ABLIM2: variants seen among roughly 807,000 people sequenced by gnomAD.
ABLIM2 encodes the protein actin binding LIM protein family member 2.
Under a neutral mutation model 97.7 loss-of-function variants are expected in ABLIM2, and 53 were observed. The ratio of observed to expected loss-of-function variants is 0.54; its 90% CI spans 0.44 to 0.68. The LOEUF (loss-of-function observed/expected upper bound fraction) is 0.68, where lower values mean the gene tolerates loss of function less well. ABLIM2 is among the 30% of genes least tolerant of loss of function. The probability of loss-of-function intolerance (pLI) is 0.00; values close to 1 mark genes in which losing one functional copy is unlikely to be tolerated. For missense variants in ABLIM2, 835 were observed against 867.2 expected, an observed-to-expected ratio of 0.96 and a Z score of 0.47; for synonymous variants, 361 against 345.8, an observed-to-expected ratio of 1.04 and a Z score of -0.49.
chr4:7,973,835 C>T (rs143004728), intron 20 of ABLIM2, among the ~76,000 whole-genome samples: 56 of 152,248 alleles, frequency 3.7e-4, no homozygotes, highest in East Asian at 2.7e-3. Flanking sequence ...TATGTGTCGC[C>T]GTGGCTGGGC....
In ABLIM2 at chr4:8,085,586, G is replaced by A. The variant is rs1022074319; in HGVS notation, c.454+2583C>T. Among the ~76,000 whole-genome samples, 7 of 141,604 alleles carry A rather than the reference G, an allele frequency of 4.9e-5. No homozygotes were observed. The highest frequency in any genetic ancestry group is 8.2e-5 in the African/African-American group (3 of 36,622). 92.9% of individuals were successfully genotyped at this position (141,604 alleles called of 152,430 possible). A position where few individuals can be genotyped will look rare whatever the true frequency, so the allele number is the denominator to read the frequency against. On this transcript the variant is annotated intron_variant, in intron 4 of 20. Transcript: ENST00000447017. This position sits in a 1 kb window ranked among gnomAD's most constrained non-coding sequence, Gnocchi z 6.1. Reference sequence around the variant, plus strand: ...CTGGGGGTGCCCACGCTGCAGCCCCGTCCACTCACGCGGGTCTGGGGGGTG... The same window carrying A: ...CTGGGGGTGCCCACGCTGCAGCCCCATCCACTCACGCGGGTCTGGGGGGTG...
intron 10 of ABLIM2, among the ~76,000 whole-genome samples, chr4:8,035,558 G>A (rs1445589475): frequency 5.3e-5 from 8 of 152,218 alleles, no homozygotes; most frequent in Admixed American, 2.0e-4. Context: ...TGAAACCTCA[G>A]AACCACAAGA....
intron 1 of ABLIM2, among the ~76,000 whole-genome samples, chr4:8,151,389 G>T (rs1712698546): frequency 6.6e-6 from 1 of 152,052 alleles, no homozygotes; most frequent in Non-Finnish European, 1.5e-5. Context: ...CCCCTCCTCC[G>T]CCCCAGTCCT....
Position 8,127,158 on chromosome 4 carries a change from T to C in ABLIM2, c.11-20521A>G, listed in dbSNP as rs115603015. Among the ~76,000 whole-genome samples, 165 of 151,486 alleles carry C rather than the reference T, an allele frequency of 1.1e-3. No individual in the cohort carries two copies. Among genetic ancestry groups the C allele is most frequent in the African/African-American group, 4.0e-3 (163 of 41,260 alleles). ...TGCCTGTGGGTGAGAATCACCACCT[T>C]AAAGGAAAAAAGAAAAGGGAGGGAG... On this transcript the variant is annotated intron_variant, in intron 1 of 20. Transcript: ENST00000447017. This position sits in a 1 kb window ranked among gnomAD's most constrained non-coding sequence, Gnocchi z 7.3.
In ABLIM2 at chr4:8,017,068, T is replaced by C. The variant is rs533210095; in HGVS notation, c.1423+2550A>G. The stretch of plus-strand genomic sequence containing the variant: ...GTTTAATACCATGAGTGACCCTAGA[T>C]GGTGTGTGGAAACACAAAAATGTCC... On this transcript the variant is annotated intron_variant, in intron 14 of 20. Coordinates refer to ENST00000447017, the MANE Select transcript of ABLIM2 (RefSeq NM_001130083.2). Among the ~76,000 whole-genome samples the C allele has an allele frequency of 2.6e-5, 4 of 152,280 alleles. No individual in the cohort carries two copies. The East Asian group carries it at 7.7e-4, about 29-fold the overall frequency.
chr4:8,072,908 C>T lies in ABLIM2; in HGVS notation c.675+4720G>A, dbSNP rs944285299. Among the ~76,000 whole-genome samples, 2 of 152,078 alleles carry T rather than the reference C, an allele frequency of 1.3e-5. No homozygotes were observed. Among genetic ancestry groups the T allele is most frequent in the African/African-American group, 4.8e-5 (2 of 41,396 alleles). On this transcript the variant is annotated intron_variant, in intron 6 of 20. Transcript: ENST00000447017. The surrounding 1 kb of genome is among the most constrained non-coding windows in gnomAD (Gnocchi z 5.8). The stretch of plus-strand genomic sequence containing the variant: ...GGGTCGGTAAGAGGAGGCTTAAAGG[C>T]CTTAGGGTTTCCTGCACACAAAGCC...
rs1463039046 is a variant in ABLIM2 at position 8,005,518 on chromosome 4, C to G, written c.1618+2541G>C. 9.8e-6 allele frequency: 5 copies of G among 508,298 alleles called. No homozygotes were observed. The highest frequency in any genetic ancestry group is 9.7e-5 in the African/African-American group (5 of 51,612). The allele number at this position is 508,298 out of a possible 1,614,324, so 31.5% of individuals were successfully genotyped here. ...GGAACTGGTGCCCACGGACTCAGGTCTGGGGGCTACTTGGTGACAATCAAA... is the reference window on the plus strand; with the variant it reads ...GGAACTGGTGCCCACGGACTCAGGTGTGGGGGCTACTTGGTGACAATCAAA... On this transcript the variant is annotated intron_variant, in intron 16 of 20. Coordinates refer to ENST00000447017, the MANE Select transcript of ABLIM2 (RefSeq NM_001130083.2). The surrounding 1 kb of genome is among the most constrained non-coding windows in gnomAD (Gnocchi z 4.9).
intron 9 of ABLIM2, among the ~76,000 whole-genome samples, chr4:8,039,304 C>T (rs190995157): frequency 6.6e-6 from 1 of 152,348 alleles, no homozygotes; most frequent in Non-Finnish European, 1.5e-5. Context: ...TTCACCTGTC[C>T]AGCCCCACAG....
chr4:8,109,766 G>A (rs1437536560), intron 1 of ABLIM2, among the ~76,000 whole-genome samples: 1 of 152,176 alleles, frequency 6.6e-6, no homozygotes, highest in African/African-American at 2.4e-5. Context: ...GGAGATGAAT[G>A]GCATGAAAAA....
Position 8,150,596 on chromosome 4 carries a change from G to A in ABLIM2, c.10+8084C>T, listed in dbSNP as rs1170779663. 6.6e-6 allele frequency among the ~76,000 whole-genome samples: 1 copy of A among 152,254 alleles called. No homozygotes were observed. The highest frequency in any genetic ancestry group is 1.5e-5 in the Non-Finnish European group (1 of 68,048). ...AAGTCCCAAACTTCCAGCACAGGGT[G>A]CGAGCTCCGTGCCGGAGGCGGGAGG... On this transcript the variant is annotated intron_variant, in intron 1 of 20. Transcript: ENST00000447017. The surrounding 1 kb of genome is among the most constrained non-coding windows in gnomAD (Gnocchi z 6.3).
chr4:8,047,159 G>A (rs971509934), intron 8 of ABLIM2, among the ~76,000 whole-genome samples: 3 of 152,182 alleles, frequency 2.0e-5, no homozygotes, highest in African/African-American at 7.2e-5. Context: ...AACCCTGTGC[G>A]GCATGTGGGT....
Position 8,106,629 on chromosome 4 carries a change from G to C in ABLIM2, c.19C>G (p.Pro7Ala). Reference protein sequence around the residue: MSAVSQPQAAPSPLEKS... With the variant: MSAVSQAQAAPSPLEKS... ...TCCAGCGGGCTGGGAGCAGCCTGGG[G>C]CTGCGACACTGTTGGGAAAGAGAGA... Residue 7 changes from proline (P) to alanine (A), a missense_variant, in exon 2 of 21, where the codon CCC (proline) becomes GCC (alanine). By Grantham distance (27) the Pro-to-Ala change is conservative. Transcript: ENST00000447017. 1.2e-6 allele frequency: 2 copies of C among 1,608,202 alleles called. No homozygotes were observed. Among genetic ancestry groups the C allele is most frequent in the Non-Finnish European group, 1.7e-6 (2 of 1,177,214 alleles).
intron 9 of ABLIM2, among the ~76,000 whole-genome samples, chr4:8,041,768 G>T (rs1353313540): frequency 6.6e-6 from 1 of 152,128 alleles, no homozygotes; most frequent in Non-Finnish European, 1.5e-5. Context: ...GCCATGCATG[G>T]TGGCGGGTGC....
At position 8,091,370 on chromosome 4, in the gene ABLIM2, T is replaced by A. The variant is rs2152550846; in HGVS notation, c.339-3086A>T. Among the ~76,000 whole-genome samples, 2 of 57,834 alleles carry A rather than the reference T, an allele frequency of 3.5e-5. 1 individual carries two copies. The highest frequency in any genetic ancestry group is 1.3e-4 in the African/African-American group (2 of 14,948). 37.9% of individuals were successfully genotyped at this position (57,834 alleles called of 152,430 possible). On this transcript the variant is annotated intron_variant, in intron 3 of 20. Transcript: ENST00000447017. ...ATATATAATTATATATATATTATAT[T>A]ACATATAATTATATTATATATAATT...
At chr4:8,154,570 G>T (rs375409331) in intron 1 of ABLIM2, among the ~76,000 whole-genome samples, 1 of 152,214 alleles carries the variant, frequency 6.6e-6, no homozygotes, top group Non-Finnish European at 1.5e-5. Flanking sequence ...GTAAGCCACC[G>T]CACCCGGCCA....
chr4:8,016,021 G>A (rs1768856336), intron 14 of ABLIM2, among the ~76,000 whole-genome samples: 1 of 148,916 alleles, frequency 6.7e-6, no homozygotes, highest in Non-Finnish European at 1.5e-5. Flanking sequence ...GTAATAAGAG[G>A]TGATTTCTTT....
intron 8 of ABLIM2, among the ~76,000 whole-genome samples, chr4:8,052,162 C>A (rs1450037073): frequency 6.6e-6 from 1 of 152,232 alleles, no homozygotes; most frequent in Non-Finnish European, 1.5e-5. Context: ...TCATCGGAGC[C>A]ACATCATCAG....
chr4:8,023,770 AC>A lies in ABLIM2; in HGVS notation c.1268-3468del, dbSNP rs1385980632. Among the ~76,000 whole-genome samples, 46 of 151,934 alleles carry A rather than the reference AC, an allele frequency of 3.0e-4. No homozygotes were observed. The highest frequency in any genetic ancestry group is 5.3e-4 in the Non-Finnish European group (36 of 67,926). On this transcript the variant is annotated intron_variant, in intron 12 of 20. Coordinates refer to ENST00000447017, the MANE Select transcript of ABLIM2 (RefSeq NM_001130083.2). The surrounding 1 kb of genome is among the most constrained non-coding windows in gnomAD (Gnocchi z 5.7). Reference sequence around the variant, plus strand: ...TCGCTTTCTCTCCATTTATTTGTTTACTCAACATTTATGTAGATCCTTGTGG... The same window carrying A: ...TCGCTTTCTCTCCATTTATTTGTTTATCAACATTTATGTAGATCCTTGTGG...
intron 9 of ABLIM2, among the ~76,000 whole-genome samples, chr4:8,036,553 G>A (rs1784590344): frequency 6.6e-6 from 1 of 152,204 alleles, no homozygotes; most frequent in Non-Finnish European, 1.5e-5. Context: ...CCAGCTCCTG[G>A]TATAGGTGAA....
Sources: gnomAD v4.1 joint callset for allele counts (sites outside exome capture counted in the v4.1 genomes callset) on GRCh38, gnomAD v4.1.1 for gene constraint, Gnocchi (gnomAD v3.1) non-coding constraint, MANE v1.5 for transcripts, NCBI Gene and HGNC (gene_info 2026-07-23, HGNC 2026-07-21) for gene names.